The following OFD1 variants were observed in gnomAD, a reference collection of about 807,000 sequenced individuals.
OFD1 encodes OFD1 centriole and centriolar satellite protein.
Under a neutral mutation model 81.4 loss-of-function variants are expected in OFD1, and 12 were observed. The ratio of observed to expected loss-of-function variants is 0.15; its 90% confidence interval spans 0.09 to 0.24. OFD1 has a LOEUF of 0.24. Among genes scored for constraint, OFD1 ranks in the 10% least tolerant of loss-of-function variants. The probability of loss-of-function intolerance (pLI) is 1.00; values close to 1 mark genes in which losing one functional copy is unlikely to be tolerated. For missense variants in OFD1, 685 were observed against 733.9 expected, an observed-to-expected ratio of 0.93 and a Z score of 0.77; for synonymous variants, 256 against 263.7, an observed-to-expected ratio of 0.97 and a Z score of 0.28.
chrX:13,756,047 C>A lies in OFD1; in HGVS notation c.1222-531C>A, dbSNP rs144918319. Among the ~76,000 whole-genome samples, 391 of 104,437 alleles carry A rather than the reference C, an allele frequency of 3.7e-3. 3 individuals carry two copies. Among genetic ancestry groups the A allele is most frequent in the African/African-American group, 0.012 (349 of 28,330 alleles). The allele number at this position is 104,437 out of a possible 115,157, so 90.7% of individuals were successfully genotyped here. A position where few individuals can be genotyped will look rare whatever the true frequency, so the allele number is the denominator to read the frequency against. ...CTCACTGCAACCAACCTCCACCTCC[C>A]GGGTTCAAGTGATTCTCATGTCTCA... On this transcript the variant is annotated intron_variant, in intron 12 of 22. Coordinates refer to ENST00000340096, the MANE Select transcript of OFD1 (RefSeq NM_003611.3).
chrX:13,721,367 A>C, the OFD1 span: 6 of 112,539 alleles, frequency 5.3e-5, no homozygotes, highest in Non-Finnish European at 1.1e-4. Flanking sequence ...AATCTAATGC[A>C]TGTAAAGTAC....
At chrX:13,722,199 A>C in the OFD1 span, 3 of 51,477 alleles carry the variant, frequency 5.8e-5, no homozygotes, top group East Asian at 1.8e-3. Context: ...CAGTACATTT[A>C]AGCAGCAGCA....
chrX:13,768,961 A>G, intron 22 of OFD1, 105 bp from the exon 23 acceptor site: 6 of 763,551 alleles, frequency 7.9e-6, no homozygotes, highest in Non-Finnish European at 1.0e-5. Context: ...TAAATTGTAA[A>G]CTAGGGCAGA....
chrX:13,746,838 A>G lies in OFD1; in HGVS notation c.713A>G (p.Tyr238Cys), dbSNP rs1725773925. 8.3e-6 allele frequency: 10 copies of G among 1,203,121 alleles called. No homozygotes were observed. Among genetic ancestry groups the G allele is most frequent in the South Asian group, 1.8e-5 (1 of 56,051 alleles). ...ATTAAAATGGAAGCAAAAAAAAAGT[A>G]TGAAAAGGAGTTAACCATGTTCCAG... ...AKIKMEAKKK[Y>C]EKELTMFQND... Residue 238 changes from tyrosine to cysteine, a missense_variant, in exon 8 of 23, where the codon TAT becomes TGT. Around this residue, in one of 3 missense-constraint regions of OFD1, gnomAD observed 414 missense variants for 447.2 expected, o/e 0.93. Coordinates refer to ENST00000340096, the MANE Select transcript of OFD1 (RefSeq NM_003611.3).
chrX:13,735,192 C>G (rs1357385772), intron 1 of OFD1, 56 bp from the exon 2 acceptor site: 6 of 1,196,038 alleles, frequency 5.0e-6, no homozygotes, highest in Non-Finnish European at 6.8e-6. Context: ...GGTCTGTTTT[C>G]AGACGTTCAC....
In OFD1 at chrX:13,768,704, C is replaced by T. The variant is rs1433947992; in HGVS notation, c.2929-14C>T. 1 of 1,197,942 alleles carries T rather than the reference C, an allele frequency of 8.3e-7. No individual in the cohort carries two copies. The highest frequency in any genetic ancestry group is 1.1e-6 in the Non-Finnish European group (1 of 882,916). Reference sequence around the variant, plus strand: ...ATCTAATTTCAAAATTTTCCACCCTCTCCATGTAATCAGAGCTCAAAAAAG... The same window carrying T: ...ATCTAATTTCAAAATTTTCCACCCTTTCCATGTAATCAGAGCTCAAAAAAG... On this transcript the variant is annotated splice_polypyrimidine_tract_variant and intron_variant, in intron 21 of 22. Transcript: ENST00000340096.
At chrX:13,771,228 A>G (rs1320809434), downstream of OFD1, 2 of 111,914 alleles carry the variant, frequency 1.8e-5, no homozygotes, top group Non-Finnish European at 3.8e-5. Context: ...GAATTAGAAA[A>G]GTAAAATTAG....
chrX:13,725,118 C>T, the OFD1 span, among the ~76,000 whole-genome samples: 2 of 113,041 alleles, frequency 1.8e-5, no homozygotes, highest in Non-Finnish European at 3.8e-5. Flanking sequence ...GGGCAGAGCC[C>T]GCTGCAGCTC....
intron 18 of OFD1, among the ~76,000 whole-genome samples, chrX:13,762,987 C>T (rs954205007): frequency 2.7e-5 from 3 of 112,110 alleles, no homozygotes; most frequent in East Asian, 5.6e-4. Flanking sequence ...CCAGGCTGGT[C>T]TTGAGCTCCT....
At chrX:13,715,643 TA>T in the OFD1 span, 1 of 225,040 alleles carries the variant, frequency 4.4e-6, no homozygotes, top group Non-Finnish European at 6.7e-6. Flanking sequence ...AACTTATTTG[TA>T]AAGTAGATGG....
rs1294732682 is a variant in OFD1, at chrX:13,768,657, G to A, written c.2929-61G>A. On this transcript the variant is annotated intron_variant, in intron 21 of 22. Transcript: ENST00000340096. ...ATATATTTCAAAAATGGTTCTTAAA[G>A]TATTTCATGAAATTAATGCATATCT... 3 of 873,067 alleles carry A rather than the reference G, an allele frequency of 3.4e-6. No homozygotes were observed. The African/African-American group carries it at 5.9e-5, about 17-fold the overall frequency. 72.0% of individuals were successfully genotyped at this position (873,067 alleles called of 1,213,427 possible). A position where few individuals can be genotyped will look rare whatever the true frequency, so the allele number is the denominator to read the frequency against.
In OFD1 at chrX:13,740,091, A is replaced by G; in HGVS notation, c.412+1059A>G. 3 of 958,871 alleles carry G rather than the reference A, an allele frequency of 3.1e-6. No homozygotes were observed. In the Admixed American group the frequency reaches 9.4e-5, roughly 30 times the overall value. 79.0% of individuals were successfully genotyped at this position (958,871 alleles called of 1,213,427 possible). ...TTTGAATACTTATTTTCTGCCAGCC[A>G]TTAAGTCTGTGACTTAATCGCCAAG... On this transcript the variant is annotated intron_variant, in intron 5 of 22. Transcript: ENST00000340096.
chrX:13,751,231 T>A lies in OFD1; in HGVS notation c.936-18T>A, dbSNP rs773046720. 1.7e-6 allele frequency: 2 copies of A among 1,202,404 alleles called. No homozygotes were observed. The highest frequency in any genetic ancestry group is 2.2e-6 in the Non-Finnish European group (2 of 889,062). On this transcript the variant is annotated intron_variant, in intron 9 of 22. Transcript: ENST00000340096. ...GCTATGGTAGTTTATTTACTTTTTA[T>A]ATTTTTGTTAATTTCAGGAACCAGA...
At position 13,760,299 on chromosome X, in the gene OFD1, T is replaced by C. The variant is rs760463802; in HGVS notation, c.1839T>C (p.Thr613=). The change falls in exon 16 of 23, where the codon ACT becomes ACC. Residue 613 remains threonine, a synonymous_variant. Transcript: ENST00000340096. ...MVASRITNYP[T]AWVEGSSPDS... The stretch of plus-strand genomic sequence containing the variant: ...CATCAAGGATCACAAATTATCCAAC[T>C]GCATGGGTGGAGGGTAGTTCCCCTG... 14 of 1,209,882 alleles carry C rather than the reference T, an allele frequency of 1.2e-5. No individual in the cohort carries two copies. The highest frequency in any genetic ancestry group is 5.2e-5 in the African/African-American group (3 of 57,187).
chrX:13,736,493 C>G lies in OFD1; in HGVS notation c.127C>G (p.Gln43Glu), dbSNP rs751465747. The change falls in exon 3 of 23, where the codon CAG becomes GAG. Residue 43 changes from glutamine to glutamate, a missense_variant. Physicochemically the swap from Gln to Glu is conservative, Grantham distance 29 (BLOSUM62 2). This residue lies in a region of OFD1 where 414 missense variants were observed against 447.2 expected (regional missense o/e 0.93). Coordinates refer to ENST00000340096, the MANE Select transcript of OFD1 (RefSeq NM_003611.3). Reference protein sequence around the residue: ...LDTLKTQLRNQLIHELMHPVL... With the variant: ...LDTLKTQLRNELIHELMHPVL... ...TTTATGCTAGACACAACTTCGAAAC[C>G]AGCTAATTCATGAGTTGATGCACCC... 8.3e-7 allele frequency: 1 copy of G among 1,210,355 alleles called. No homozygotes were observed. Among genetic ancestry groups the G allele is most frequent in the Non-Finnish European group, 1.1e-6 (1 of 894,418 alleles).
rs755056922 is a variant in OFD1 at position 13,754,790 on chromosome X, AT to A, written c.1130-360del. ...GTAACAAATTATGGTTTGATGATAT[AT>A]CTACATAGACTTGTGTTAGATGAAG... On this transcript the variant is annotated intron_variant, in intron 11 of 22. Transcript: ENST00000340096. 5.3e-5 allele frequency among the ~76,000 whole-genome samples: 6 copies of A among 113,088 alleles called. No individual in the cohort carries two copies. In the South Asian group the frequency reaches 2.1e-3, roughly 40 times the overall value.
the OFD1 span, among the ~76,000 whole-genome samples, chrX:13,723,785 G>A: frequency 9.1e-6 from 1 of 110,405 alleles, no homozygotes; most frequent in Non-Finnish European, 1.9e-5. Flanking sequence ...TCTAGCTGAG[G>A]TGAACAAGCA....
chrX:13,729,475 C>A, the OFD1 span, among the ~76,000 whole-genome samples: 10 of 112,023 alleles, frequency 8.9e-5, no homozygotes, highest in African/African-American at 3.3e-4. Flanking sequence ...CTTTGACAAA[C>A]CTGACAAAAA....
In OFD1 at chrX:13,761,079, C is replaced by T. The variant is rs769923969; in HGVS notation, c.2261-6C>T. 2.5e-6 allele frequency: 3 copies of T among 1,211,268 alleles called. No homozygotes were observed. The highest frequency in any genetic ancestry group is 2.2e-6 in the Non-Finnish European group (2 of 895,282). ...TATTCTTGCCTTGGTTCTTTCTGCA[C>T]CTTAGGTCTGGGCAGATCACACATT... is the stretch of plus-strand genomic sequence containing the variant. On this transcript the variant is annotated splice_polypyrimidine_tract_variant and splice_region_variant and intron_variant, in intron 16 of 22. Transcript: ENST00000340096.
Sources: allele counts gnomAD v4.1 joint callset (sites outside exome capture counted in the v4.1 genomes callset), GRCh38; gene constraint gnomAD v4.1.1; regional missense constraint gnomAD v4.1.1; transcripts MANE v1.5; gene names NCBI Gene and HGNC (gene_info 2026-07-23, HGNC 2026-07-21).